ATM: variants seen among roughly 807,000 people sequenced by gnomAD.
The protein encoded by ATM is serine-protein kinase ATM.
In ATM, 308 loss-of-function variants were observed where a neutral mutation model predicts 387.0. That is an observed-to-expected ratio of 0.80 (90% CI 0.73 to 0.87). The LOEUF is 0.87. Among genes scored for constraint, ATM ranks in the 40% least tolerant of loss-of-function variants. The pLI is 0.00. For missense variants in ATM, 3,312 were observed against 3,560.9 expected, an observed-to-expected ratio of 0.93 and a Z score of 1.78; for synonymous variants, 1,156 against 1,187.3, an observed-to-expected ratio of 0.97 and a Z score of 0.54.
intron 26 of ATM, among the ~76,000 whole-genome samples, chr11:108,285,484 A>G (rs962035674): frequency 1.1e-4 from 16 of 152,200 alleles, no homozygotes; most frequent in African/African-American, 3.4e-4. Flanking sequence ...ATTAAAACAT[A>G]CATACAAATT....
In ATM at chr11:108,343,376, G is replaced by T. The variant is rs1305740166; in HGVS notation, c.8418+5G>T. The T allele has an allele frequency of 6.2e-7, 1 of 1,613,722 alleles. No homozygotes were observed. Among genetic ancestry groups the T allele is most frequent in the Non-Finnish European group, 8.5e-7 (1 of 1,179,760 alleles). On this transcript the variant is annotated splice_donor_5th_base_variant and intron_variant, in intron 57 of 62. Coordinates refer to ENST00000675843, the MANE Select transcript of ATM (RefSeq NM_000051.4). ...CAGTGCCAAAAGAAAATGATGGTGA[G>T]TGACACCCAAAATTAAAGGTTATTG...
Position 108,345,799 on chromosome 11 carries a change from A to G in ATM, c.8475A>G (p.Gln2825=), listed in dbSNP as rs769656947. The G allele has an allele frequency of 3.1e-6, 5 of 1,613,898 alleles. No individual in the cohort carries two copies. The highest frequency in any genetic ancestry group is 4.2e-6 in the Non-Finnish European group (5 of 1,179,856). ...EKYEVFMDVC[Q]NFQPVFRYFC... Reference sequence around the variant, plus strand: ...ATGAAGTCTTCATGGATGTTTGCCAAAATTTTCAACCAGTTTTCCGTTACT... The same window carrying G: ...ATGAAGTCTTCATGGATGTTTGCCAGAATTTTCAACCAGTTTTCCGTTACT... The change falls in exon 58 of 63, where the codon CAA becomes CAG. Residue 2825 remains glutamine (Q), a synonymous_variant. Coordinates refer to ENST00000675843, the MANE Select transcript of ATM (RefSeq NM_000051.4).
chr11:108,316,465 A>G (rs1388557556), intron 42 of ATM, among the ~76,000 whole-genome samples: 1 of 151,990 alleles, frequency 6.6e-6, no homozygotes, highest in Non-Finnish European at 1.5e-5. Context: ...TATGTAAACT[A>G]TTTCTCATAG....
intron 61 of ATM, among the ~76,000 whole-genome samples, chr11:108,356,475 G>T (rs542487427): frequency 6.7e-6 from 1 of 148,184 alleles, no homozygotes; most frequent in African/African-American, 2.5e-5. Flanking sequence ...GGTGGAGGTT[G>T]TAGTGAGCTG....
chr11:108,341,377 C>G (rs1319123850), intron 56 of ATM, among the ~76,000 whole-genome samples: 1 of 152,034 alleles, frequency 6.6e-6, no homozygotes, highest in Non-Finnish European at 1.5e-5. Context: ...GTTTTGTTCT[C>G]TTATACTTAT....
At position 108,289,604 on chromosome 11, in the gene ATM, T is replaced by A; in HGVS notation, c.4239T>A (p.Asp1413Glu). Residue 1413 changes from aspartate to glutamate, a missense_variant and splice_region_variant, in exon 29 of 63, where the codon GAT (aspartate) becomes GAA (glutamate). This residue lies in a region of ATM where 1,791 missense variants were observed against 1,804.5 expected (regional missense o/e 0.99). Coordinates refer to ENST00000675843, the MANE Select transcript of ATM (RefSeq NM_000051.4). ...SILEILSKSPDSYQKILLAIC... is the reference protein window; with the variant it reads ...SILEILSKSPESYQKILLAIC... ...TACTAAATCTGTTTATTTTCTAGGA[T>A]TCCTATCAGAAAATTCTTCTTGCCA... is the stretch of plus-strand genomic sequence containing the variant. 1.9e-6 allele frequency: 3 copies of A among 1,603,540 alleles called. No individual in the cohort carries two copies. In the South Asian group the frequency reaches 3.4e-5, roughly 18 times the overall value.
At chr11:108,311,030 C>T (rs1431349565) in intron 39 of ATM, among the ~76,000 whole-genome samples, 3 of 152,280 alleles carry the variant, frequency 2.0e-5, no homozygotes, top group East Asian at 1.9e-4. Context: ...TGCAGTGGTG[C>T]GATCATAGCT....
intron 42 of ATM, among the ~76,000 whole-genome samples, chr11:108,316,605 T>A (rs529914158): frequency 6.6e-6 from 1 of 152,068 alleles, no homozygotes; most frequent in Non-Finnish European, 1.5e-5. Flanking sequence ...TAAACGATAT[T>A]TTGGGATTAA....
Position 108,267,216 on chromosome 11 carries a change from A to G in ATM, c.2512A>G (p.Met838Val), listed in dbSNP as rs1555082132. 1 of 1,614,168 alleles carries G rather than the reference A, an allele frequency of 6.2e-7. No individual in the cohort carries two copies. The highest frequency in any genetic ancestry group is 1.3e-5 in the African/African-American group (1 of 75,056). Residue 838 changes from methionine to valine, a missense_variant, in exon 17 of 63, where the codon ATG becomes GTG. By Grantham distance (21) the Met-to-Val change is conservative (BLOSUM62 1). This residue lies in a region of ATM where 1,791 missense variants were observed against 1,804.5 expected (regional missense o/e 0.99). Transcript: ENST00000675843. ...KPFDRGEVES[M>V]EDDTNGNLME... ...ATTTGACCGTGGAGAAGTAGAATCA[A>G]TGGAAGATGATACTAATGGAAATCT...
At position 108,321,480 on chromosome 11, in the gene ATM, C is replaced by CT. The variant is rs997460250; in HGVS notation, c.6572+63dup. The stretch of plus-strand genomic sequence containing the variant: ...GCAGCTTTTCTGTTACCAATAGTGA[C>CT]TTTAAAAAATAAAAACTATAGGCCG... On this transcript the variant is annotated intron_variant, in intron 45 of 62. Coordinates refer to ENST00000675843, the MANE Select transcript of ATM (RefSeq NM_000051.4). The CT allele has an allele frequency of 3.7e-6, 6 of 1,610,942 alleles. No homozygotes were observed. In the African/African-American group the frequency reaches 6.7e-5, roughly 18 times the overall value.
chr11:108,356,611 T>C (rs746714166), intron 61 of ATM, among the ~76,000 whole-genome samples: 30 of 151,600 alleles, frequency 2.0e-4, no homozygotes, highest in Non-Finnish European at 3.4e-4. Flanking sequence ...TATTCTTTAG[T>C]ATTTTACTCT....
chr11:108,276,239 T>C (rs2081943484), intron 22 of ATM, among the ~76,000 whole-genome samples: 1 of 152,240 alleles, frequency 6.6e-6, no homozygotes, highest in African/African-American at 2.4e-5. Context: ...CTACACTGAT[T>C]ATTCTAGTTA....
Position 108,254,048 on chromosome 11 carries a change from T to A in ATM, c.2124+9T>A, listed in dbSNP as rs1591535203. ...ATAATTACTCATCTGAGGTGAGATT[T>A]TTTAAAAAAAGAACTAAGCTTATAT... On this transcript the variant is annotated intron_variant, in intron 13 of 62. Transcript: ENST00000675843. The A allele has an allele frequency of 6.2e-7, 1 of 1,612,054 alleles. No individual in the cohort carries two copies. The highest frequency in any genetic ancestry group is 8.5e-7 in the Non-Finnish European group (1 of 1,179,018).
intron 59 of ATM, among the ~76,000 whole-genome samples, chr11:108,349,455 G>A (rs913547075): frequency 6.6e-6 from 1 of 152,184 alleles, no homozygotes; most frequent in Non-Finnish European, 1.5e-5. Flanking sequence ...ACGAGGTCAG[G>A]AGATTGAGAC....
intron 22 of ATM, among the ~76,000 whole-genome samples, chr11:108,276,720 G>A (rs1304927154): frequency 1.3e-5 from 2 of 152,170 alleles, no homozygotes; most frequent in East Asian, 3.9e-4. Flanking sequence ...ATTGCTGCCT[G>A]TTCCTTCCTC....
intron 43 of ATM, among the ~76,000 whole-genome samples, chr11:108,318,735 A>T (rs2084965147): frequency 6.6e-6 from 1 of 152,084 alleles, no homozygotes; most frequent in African/African-American, 2.4e-5. Flanking sequence ...TAACATTTAT[A>T]ATCTGTATAT....
intron 43 of ATM, 51 bp from the exon 44 acceptor site, chr11:108,319,903 A>G: frequency 7.6e-7 from 1 of 1,309,082 alleles, no homozygotes; most frequent in South Asian, 1.2e-5. Flanking sequence ...ATACATGTAT[A>G]TCTTAGGGTT....
chr11:108,269,681 G>A (rs1017756641), intron 18 of ATM, among the ~76,000 whole-genome samples: 2 of 152,176 alleles, frequency 1.3e-5, no homozygotes, highest in Admixed American at 6.5e-5. Context: ...TTGGGTCCTA[G>A]GTCATGTCCC....
intron 18 of ATM, 60 bp downstream of exon 18, chr11:108,268,669 A>AGTTGC (rs2081402838): frequency 5.3e-6 from 8 of 1,509,376 alleles, no homozygotes; most frequent in Non-Finnish European, 7.3e-6. Context: ...ACTAAATGTA[A>AGTTGC]TGAGTTGACA....
Sources: allele counts gnomAD v4.1 joint callset (sites outside exome capture counted in the v4.1 genomes callset), GRCh38; gene constraint gnomAD v4.1.1; regional missense constraint gnomAD v4.1.1; transcripts MANE v1.5; gene names NCBI Gene and HGNC (gene_info 2026-07-23, HGNC 2026-07-21).